Variants in RSPH14 observed in about 807,000 individuals in gnomAD.
RSPH14 encodes the protein rhabdoid tumor deletion region gene 1.
RSPH14 carries 20 observed loss-of-function variants against 26.7 expected under a neutral mutation model. That is an observed-to-expected ratio of 0.75 (90% CI 0.53 to 1.09). The LOEUF (loss-of-function observed/expected upper bound fraction) is 1.09. RSPH14 is among the 50% of genes least tolerant of loss of function. The probability of loss-of-function intolerance (pLI) is 0.00; values close to 1 mark genes in which losing one functional copy is unlikely to be tolerated. For synonymous variants in RSPH14, 177 were observed against 189.3 expected, an observed-to-expected ratio of 0.93 and a Z score of 0.53; for missense variants, 449 against 457.2, an observed-to-expected ratio of 0.98 and a Z score of 0.16.
the RSPH14 span, among the ~76,000 whole-genome samples, chr22:23,171,850 AAAAAC>A: frequency 2.2e-4 from 31 of 141,672 alleles, no homozygotes; most frequent in Admixed American, 4.4e-4. Flanking sequence ...CTCAAAAAAA[AAAAAC>A]AAAAAAAAAA....
chr22:23,127,283 G>A (rs1045172377), intron 4 of RSPH14, among the ~76,000 whole-genome samples: 45 of 152,322 alleles, frequency 3.0e-4, no homozygotes, highest in African/African-American at 9.1e-4. Context: ...TGAGCCTGAC[G>A]AGATGGGGAT....
intron 4 of RSPH14, chr22:23,095,304 G>A (rs1471435577): frequency 1.3e-5 from 3 of 236,502 alleles, no homozygotes; most frequent in African/African-American, 6.8e-5. Context: ...GAGCACACCA[G>A]CGACCGGCCC....
At chr22:23,073,793 G>A (rs2068437248) in intron 4 of RSPH14, among the ~76,000 whole-genome samples, 1 of 152,230 alleles carries the variant, frequency 6.6e-6, no homozygotes, top group Non-Finnish European at 1.5e-5. Flanking sequence ...CAGGCACTGT[G>A]CCAGGTGCAG....
In RSPH14 at chr22:23,071,612, G is replaced by A. The variant is rs2068378133; in HGVS notation, c.422-7479C>T. Among the ~76,000 whole-genome samples, 1 of 152,220 alleles carries A rather than the reference G, an allele frequency of 6.6e-6. No homozygotes were observed. The highest frequency in any genetic ancestry group is 2.1e-4 in the South Asian group (1 of 4,836). ...CCAGAGCTTGACGCTGGGGTGCACC[G>A]GGTGGGAGTGGACTGGGCCTGCCCT... On this transcript the variant is annotated intron_variant, in intron 4 of 6. Transcript: ENST00000216036. The surrounding 1 kb of genome is among the most constrained non-coding windows in gnomAD (Gnocchi z 4.1).
At chr22:23,074,355 T>G (rs1233822546) in intron 4 of RSPH14, among the ~76,000 whole-genome samples, 1 of 151,838 alleles carries the variant, frequency 6.6e-6, no homozygotes. Context: ...GGGAGATTTG[T>G]TTTTTTAAAG....
intron 4 of RSPH14, among the ~76,000 whole-genome samples, chr22:23,096,639 T>C (rs1416822346): frequency 6.6e-6 from 1 of 152,108 alleles, no homozygotes; most frequent in Non-Finnish European, 1.5e-5. Context: ...ACTCAGGGTG[T>C]GGAGGCCACA....
At chr22:23,134,198 C>T in intron 3 of RSPH14, 54 bp from the exon 4 acceptor site, 1 of 1,348,934 alleles carries the variant, frequency 7.4e-7, no homozygotes, top group Non-Finnish European at 1.0e-6. Context: ...CTGAGAGGCT[C>T]AAATTAGAAG....
rs186945594 is a variant in RSPH14, at chr22:23,111,591, C to G, written c.421+22435G>C. 1.1e-4 allele frequency among the ~76,000 whole-genome samples: 16 copies of G among 152,332 alleles called. No homozygotes were observed. In the East Asian group the frequency reaches 3.1e-3, roughly 29 times the overall value. Reference sequence around the variant, plus strand: ...TCCCCCAAGGTCACTTTAGTAGAACCCAGTGACCATCTTGGACAAACAGCT... The same window carrying G: ...TCCCCCAAGGTCACTTTAGTAGAACGCAGTGACCATCTTGGACAAACAGCT... On this transcript the variant is annotated intron_variant, in intron 4 of 6. Coordinates refer to ENST00000216036, the MANE Select transcript of RSPH14 (RefSeq NM_014433.3).
chr22:23,152,531 A>C, the RSPH14 span: 3 of 1,613,978 alleles, frequency 1.9e-6, no homozygotes, highest in Non-Finnish European at 2.5e-6. Context: ...CCACAGGTAC[A>C]AGGCTTCCTC....
rs2069218594 is a variant in RSPH14 at position 23,099,171 on chromosome 22, G to A, written c.421+34855C>T. On this transcript the variant is annotated intron_variant, in intron 4 of 6. Coordinates refer to ENST00000216036, the MANE Select transcript of RSPH14 (RefSeq NM_014433.3). The stretch of plus-strand genomic sequence containing the variant: ...CCCCCCGGCCCACCCGCTGGCTTCT[G>A]CGTCAGCACGTTGCCAAGGAGAACG... 2.0e-5 allele frequency among the ~76,000 whole-genome samples: 3 copies of A among 152,374 alleles called. No individual in the cohort carries two copies. The South Asian group carries it at 6.2e-4, about 32-fold the overall frequency.
intron 4 of RSPH14, among the ~76,000 whole-genome samples, chr22:23,078,950 C>T (rs1027990400): frequency 1.3e-5 from 2 of 152,170 alleles, no homozygotes; most frequent in Admixed American, 6.5e-5. Context: ...GGGAAGGCCA[C>T]GGGCCTTTCC....
the RSPH14 span, among the ~76,000 whole-genome samples, chr22:23,160,625 C>A: frequency 2.0e-5 from 3 of 152,160 alleles, no homozygotes; most frequent in Non-Finnish European, 4.4e-5. Context: ...GGGAGTGGCC[C>A]AAGCAGGCAG....
chr22:23,123,436 C>T, intron 4 of RSPH14: 2 of 1,593,946 alleles, frequency 1.3e-6, no homozygotes, highest in Non-Finnish European at 1.7e-6. Context: ...TGCTGAGGAG[C>T]TGGGCCCGGG....
chr22:23,160,015 G>A, the RSPH14 span, among the ~76,000 whole-genome samples: 1 of 152,368 alleles, frequency 6.6e-6, no homozygotes, highest in African/African-American at 2.4e-5. Flanking sequence ...AACACAGGTT[G>A]TTGGGGGATG....
At chr22:23,141,346 A>C (rs1291395222) in intron 1 of RSPH14, among the ~76,000 whole-genome samples, 1 of 151,874 alleles carries the variant, frequency 6.6e-6, no homozygotes, top group African/African-American at 2.4e-5. Context: ...AAAAAAAAAA[A>C]AAAGTGATTA....
chr22:23,059,474 C>A lies in RSPH14; in HGVS notation c.1035G>T (p.Glu345Asp), dbSNP rs751405188. The A allele has an allele frequency of 2.5e-6, 4 of 1,606,868 alleles. No homozygotes were observed. Among genetic ancestry groups the A allele is most frequent in the Non-Finnish European group, 3.4e-6 (4 of 1,175,284 alleles). ...GTGAATGAAGGGCTCAGGGTTTGAACTCGATGACACTGATGGCGATCCGGG... is the reference window on the plus strand; with the variant it reads ...GTGAATGAAGGGCTCAGGGTTTGAAATCGATGACACTGATGGCGATCCGGG... Reference protein sequence around the residue: ...RAARIAISVIEFKP With the variant: ...RAARIAISVIDFKP Residue 345 changes from glutamate (E) to aspartate (D), a missense_variant, in exon 7 of 7, where the codon GAG becomes GAT. Transcript: ENST00000216036.
intron 4 of RSPH14, chr22:23,070,862 A>T (rs2068348261): frequency 6.6e-6 from 1 of 151,286 alleles, no homozygotes; most frequent in African/African-American, 2.4e-5. Flanking sequence ...GGGTGGACAG[A>T]GGGCGCCGGG....
chr22:23,083,245 G>GGGGTAGTAGGGGA (rs1020927306), intron 4 of RSPH14, among the ~76,000 whole-genome samples: 11 of 152,234 alleles, frequency 7.2e-5, no homozygotes, highest in Admixed American at 1.3e-4. Flanking sequence ...TGGGGTATTG[G>GGGGTAGTAGGGGA]GGGTAGTAGG....
Position 23,140,428 on chromosome 22 carries a change from C to A in RSPH14, c.-8G>T. 1 of 1,613,750 alleles carries A rather than the reference C, an allele frequency of 6.2e-7. No individual in the cohort carries two copies. On this transcript the variant is annotated 5_prime_UTR_variant, in exon 2 of 7. Coordinates refer to ENST00000216036, the MANE Select transcript of RSPH14 (RefSeq NM_014433.3). ...GTTCTGGGAATGGGCCATCTTTCCCCAACTACAGAGGCCTTTCCAAATGAA... is the reference window on the plus strand; with the variant it reads ...GTTCTGGGAATGGGCCATCTTTCCCAAACTACAGAGGCCTTTCCAAATGAA...
Sources: gnomAD v4.1 joint callset for allele counts (sites outside exome capture counted in the v4.1 genomes callset) on GRCh38, gnomAD v4.1.1 for gene constraint, Gnocchi (gnomAD v3.1) non-coding constraint, MANE v1.5 for transcripts, NCBI Gene and HGNC (gene_info 2026-07-23, HGNC 2026-07-21) for gene names.